The following DCTD variants were observed in gnomAD, a reference collection of about 807,000 sequenced individuals.
The protein encoded by DCTD is dCMP deaminase.
In DCTD, 23 loss-of-function variants were observed where a neutral mutation model predicts 21.0. The observed-to-expected ratio is 1.09, with a 90% confidence interval of 0.79 to 1.55. DCTD has a LOEUF of 1.55. DCTD is among the 40% of genes most tolerant of loss of function. The pLI is 0.00. For missense variants in DCTD, 224 were observed against 230.0 expected, an observed-to-expected ratio of 0.97 and a Z score of 0.17; for synonymous variants, 71 against 81.1, an observed-to-expected ratio of 0.88 and a Z score of 0.67.
In DCTD at chr4:182,894,492, C is replaced by G. The variant is rs763654823; in HGVS notation, c.358G>C (p.Ala120Pro). 1 of 1,601,378 alleles carries G rather than the reference C, an allele frequency of 6.2e-7. No individual in the cohort carries two copies. The highest frequency in any genetic ancestry group is 1.7e-5 in the Admixed American group (1 of 59,988). Reference protein sequence around the residue: ...CNECAKLIIQAGIKEVIFMSD... With the variant: ...CNECAKLIIQPGIKEVIFMSD... Reference sequence around the variant, plus strand: ...AATGGAAAGACCCGGTTCCTACCTGCCTGGATGATGAGCTTAGCGCATTCA... The same window carrying G: ...AATGGAAAGACCCGGTTCCTACCTGGCTGGATGATGAGCTTAGCGCATTCA... The change falls in exon 4 of 6, where the codon GCA becomes CCA. Residue 120 changes from alanine (A) to proline (P), a missense_variant. Transcript: ENST00000438320.
intron 5 of DCTD, among the ~76,000 whole-genome samples, chr4:182,892,480 C>T (rs2854557): frequency 0.29 from 44,447 of 151,916 alleles, 7,200 homozygotes; most frequent in East Asian, 0.49. Context: ...GGTGAAACCC[C>T]GTCTCTACTG....
intron 3 of DCTD, among the ~76,000 whole-genome samples, chr4:182,908,316 G>C (rs761298501): frequency 1.6e-4 from 25 of 152,144 alleles, no homozygotes; most frequent in Non-Finnish European, 7.4e-5. Flanking sequence ...GACTATGAGA[G>C]TAATCATTCT....
chr4:182,909,762 T>C (rs1265145484), intron 3 of DCTD, among the ~76,000 whole-genome samples: 1 of 152,200 alleles, frequency 6.6e-6, no homozygotes, highest in Non-Finnish European at 1.5e-5. Flanking sequence ...ATCACGTGCA[T>C]GGCAGTCAGG....
Position 182,917,214 on chromosome 4 carries a change from G to C in DCTD, c.-8+97C>G. ...CGTCCGCGGCCCCAGGCCCCCGCCC[G>C]GCAGCCAGCGCCCCGCGCCACGCGC... On this transcript the variant is annotated intron_variant, in intron 1 of 5. Transcript: ENST00000438320. This position sits in a 1 kb window ranked among gnomAD's most constrained non-coding sequence, Gnocchi z 4.9. The C allele has an allele frequency of 1.0e-6, 1 of 994,308 alleles. No homozygotes were observed. The highest frequency in any genetic ancestry group is 1.2e-6 in the Non-Finnish European group (1 of 836,806). 61.6% of individuals were successfully genotyped at this position (994,308 alleles called of 1,614,324 possible).
intron 3 of DCTD, among the ~76,000 whole-genome samples, chr4:182,913,841 G>A (rs539775955): frequency 6.6e-6 from 1 of 152,256 alleles, no homozygotes. Context: ...ACCCTCCCAG[G>A]CAATCTCTGA....
intron 1 of DCTD, chr4:182,916,501 C>G (rs1320010365): frequency 1.0e-6 from 1 of 985,556 alleles, no homozygotes; most frequent in African/African-American, 1.7e-5. Context: ...AGGCTCCACA[C>G]TTTATTTAGG....
At chr4:182,907,142 T>C (rs1428799060) in intron 3 of DCTD, among the ~76,000 whole-genome samples, 2 of 152,222 alleles carry the variant, frequency 1.3e-5, no homozygotes, top group Non-Finnish European at 2.9e-5. Context: ...ATCTTTTTCT[T>C]AATTTTTTTG....
intron 3 of DCTD, among the ~76,000 whole-genome samples, chr4:182,912,363 T>G (rs1250257869): frequency 6.6e-6 from 1 of 151,506 alleles, no homozygotes; most frequent in African/African-American, 2.4e-5. Flanking sequence ...AGAAACCATT[T>G]AATACCTTCT....
chr4:182,912,143 C>T (rs1297735583), intron 3 of DCTD, among the ~76,000 whole-genome samples: 3 of 133,686 alleles, frequency 2.2e-5, no homozygotes, highest in African/African-American at 5.5e-5. Flanking sequence ...AATCTTAAAA[C>T]GAAAGCAAAA....
intron 3 of DCTD, among the ~76,000 whole-genome samples, chr4:182,900,359 T>A (rs984630327): frequency 2.4e-4 from 37 of 152,134 alleles, no homozygotes; most frequent in African/African-American, 8.7e-4. Context: ...GGATTTGGCA[T>A]GCTCAACCTG....
At chr4:182,911,165 G>A (rs769590718) in intron 3 of DCTD, 3 of 152,168 alleles carry the variant, frequency 2.0e-5, no homozygotes, top group Non-Finnish European at 4.4e-5. Context: ...CAGGGTTGCA[G>A]ATAGCCATCT....
chr4:182,916,352 G>A, intron 1 of DCTD: 1 of 983,646 alleles, frequency 1.0e-6, no homozygotes, highest in Non-Finnish European at 1.2e-6. Flanking sequence ...CTTCAGGGGA[G>A]TGGTCGCTTT....
At chr4:182,892,623 G>A (rs890081363) in intron 5 of DCTD, among the ~76,000 whole-genome samples, 6 of 65,764 alleles carry the variant, frequency 9.1e-5, no homozygotes, top group Admixed American at 1.9e-4. Context: ...GCGAGACTCC[G>A]TCTCAAAAAA....
chr4:182,901,157 C>G (rs1464753874), intron 3 of DCTD, among the ~76,000 whole-genome samples: 1 of 152,190 alleles, frequency 6.6e-6, no homozygotes, highest in African/African-American at 2.4e-5. Context: ...TAAGGTTACT[C>G]AGATAGGTTT....
At chr4:182,902,539 G>A (rs1735922962) in intron 3 of DCTD, among the ~76,000 whole-genome samples, 1 of 152,204 alleles carries the variant, frequency 6.6e-6, no homozygotes, top group African/African-American at 2.4e-5. Flanking sequence ...CAGCCTGCTG[G>A]ACTGCTCCAA....
At chr4:182,901,009 C>T (rs1024450041) in intron 3 of DCTD, among the ~76,000 whole-genome samples, 28 of 152,184 alleles carry the variant, frequency 1.8e-4, no homozygotes, top group African/African-American at 5.8e-4. Context: ...CTCATGTAGG[C>T]GGTTCTCTAG....
In DCTD at chr4:182,917,297, TG is replaced by T. The variant is rs1738912042; in HGVS notation, c.-8+13del. 7.5e-6 allele frequency: 8 copies of T among 1,069,354 alleles called. No homozygotes were observed. Among genetic ancestry groups the T allele is most frequent in the Non-Finnish European group, 9.0e-6 (8 of 885,698 alleles). 66.2% of individuals were successfully genotyped at this position (1,069,354 alleles called of 1,614,324 possible). A position where few individuals can be genotyped will look rare whatever the true frequency, so the allele number is the denominator to read the frequency against. On this transcript the variant is annotated intron_variant, in intron 1 of 5. Coordinates refer to ENST00000438320, the MANE Select transcript of DCTD (RefSeq NM_001921.3). The surrounding 1 kb of genome is among the most constrained non-coding windows in gnomAD (Gnocchi z 4.9). ...CGCGCGGGCCGCGTACCCGCACGGC[TG>T]GCCCCCGCCCACCATCCGGTGCCGG...
intron 5 of DCTD, among the ~76,000 whole-genome samples, chr4:182,891,896 G>A (rs1205683144): frequency 1.3e-5 from 2 of 150,518 alleles, no homozygotes; most frequent in African/African-American, 4.9e-5. Context: ...AGCAAAAAAC[G>A]ACTACCTTTA....
intron 3 of DCTD, among the ~76,000 whole-genome samples, chr4:182,899,707 T>G (rs1351743029): frequency 1.3e-5 from 2 of 152,078 alleles, no homozygotes; most frequent in Non-Finnish European, 2.9e-5. Context: ...GGCCAGTCAC[T>G]GACCTTAAGA....
Sources: gnomAD v4.1 joint callset for allele counts (sites outside exome capture counted in the v4.1 genomes callset) on GRCh38, gnomAD v4.1.1 for gene constraint, Gnocchi (gnomAD v3.1) non-coding constraint, MANE v1.5 for transcripts, NCBI Gene and HGNC (gene_info 2026-07-23, HGNC 2026-07-21) for gene names.